Variants in REC114 observed in about 807,000 individuals in gnomAD.
The protein encoded by REC114 is meiotic recombination protein REC114.
Under a neutral mutation model 31.3 loss-of-function variants are expected in REC114, and 27 were observed. That is an observed-to-expected ratio of 0.86 (90% CI 0.64 to 1.19). The LOEUF (loss-of-function observed/expected upper bound fraction) is 1.19, where lower values mean the gene tolerates loss of function less well. Ranked by LOEUF, REC114 falls within the 50% of genes most tolerant of loss-of-function variation. The pLI, the probability that REC114 is intolerant of heterozygous loss-of-function variation, is 0.00. For synonymous variants in REC114, 134 were observed against 127.7 expected, an observed-to-expected ratio of 1.05 and a Z score of -0.33; for missense variants, 344 against 326.9, an observed-to-expected ratio of 1.05 and a Z score of -0.40.
At chr15:73,505,902 A>G (rs569112197) in intron 2 of REC114, among the ~76,000 whole-genome samples, 24 of 152,194 alleles carry the variant, frequency 1.6e-4, no homozygotes, top group African/African-American at 5.5e-4. Context: ...TATTGTAGCT[A>G]TTGTGATGTC....
intron 2 of REC114, among the ~76,000 whole-genome samples, chr15:73,494,515 G>T (rs1893490408): frequency 6.7e-6 from 1 of 150,270 alleles, no homozygotes; most frequent in Non-Finnish European, 1.5e-5. Context: ...AAAAATTGAA[G>T]ATATTTTCTT....
chr15:73,492,311 G>C (rs1214078036), intron 2 of REC114, among the ~76,000 whole-genome samples: 2 of 152,036 alleles, frequency 1.3e-5, no homozygotes, highest in African/African-American at 2.4e-5. Context: ...TATGGGACTT[G>C]TCCATATTAT....
intron 1 of REC114, among the ~76,000 whole-genome samples, chr15:73,447,761 C>T (rs969321392): frequency 3.3e-5 from 5 of 152,066 alleles, no homozygotes; most frequent in East Asian, 1.9e-4. Context: ...ACACAGAAGG[C>T]GGGTGATTTC....
Position 73,519,014 on chromosome 15 carries a change from G to T in REC114, c.250-21471G>T, listed in dbSNP as rs569611025. ...CATCAGTAATCATTAGAGAAATGCA[G>T]ATCAAAACCACAATGAATTATCACC... On this transcript the variant is annotated intron_variant, in intron 2 of 5. Transcript: ENST00000331090. Among the ~76,000 whole-genome samples the T allele has an allele frequency of 2.6e-4, 39 of 152,248 alleles. 1 individual carries two copies. The highest frequency in any genetic ancestry group is 4.9e-4 in the Non-Finnish European group (33 of 68,026).
At chr15:73,500,440 T>G (rs1893589034) in intron 2 of REC114, among the ~76,000 whole-genome samples, 1 of 152,104 alleles carries the variant, frequency 6.6e-6, no homozygotes, top group Non-Finnish European at 1.5e-5. Context: ...TATTTTTACT[T>G]TTTCAAGAAA....
At chr15:73,452,498 T>C (rs373598840) in intron 1 of REC114, among the ~76,000 whole-genome samples, 9 of 152,250 alleles carry the variant, frequency 5.9e-5, no homozygotes, top group Non-Finnish European at 1.3e-4. Flanking sequence ...CAAAAACAAA[T>C]GGGAAAACAT....
At chr15:73,470,413 C>T (rs1893118126) in intron 1 of REC114, among the ~76,000 whole-genome samples, 1 of 152,154 alleles carries the variant, frequency 6.6e-6, no homozygotes, top group African/African-American at 2.4e-5. Context: ...TGAAGGACTT[C>T]CTTTCACATT....
At chr15:73,529,866 G>A (rs1894053518) in intron 2 of REC114, among the ~76,000 whole-genome samples, 1 of 152,144 alleles carries the variant, frequency 6.6e-6, no homozygotes, top group Non-Finnish European at 1.5e-5. Flanking sequence ...TGTAGTGTCA[G>A]TTATAGGACA....
intron 2 of REC114, among the ~76,000 whole-genome samples, chr15:73,538,142 A>T (rs1894184334): frequency 6.6e-6 from 1 of 152,206 alleles, no homozygotes; most frequent in East Asian, 1.9e-4. Flanking sequence ...GAAAGCAGTG[A>T]ACAATATTTT....
chr15:73,540,677 T>G, intron 3 of REC114, 109 bp downstream of exon 3: 1 of 945,650 alleles, frequency 1.1e-6, no homozygotes. Context: ...AGAATACAAA[T>G]GTTTAAGAAA....
intron 2 of REC114, among the ~76,000 whole-genome samples, chr15:73,539,431 C>T (rs1275969585): frequency 6.9e-6 from 1 of 145,598 alleles, no homozygotes; most frequent in Non-Finnish European, 1.5e-5. Context: ...GCTAGGACTA[C>T]AGGCACCTGC....
intron 4 of REC114, among the ~76,000 whole-genome samples, chr15:73,554,934 T>G (rs1455363455): frequency 6.6e-6 from 1 of 152,214 alleles, no homozygotes; most frequent in Non-Finnish European, 1.5e-5. Context: ...GCTGCCTTGT[T>G]TTTACAGAGG....
At chr15:73,477,078 CATG>C (rs1320638464) in intron 2 of REC114, among the ~76,000 whole-genome samples, 2 of 152,156 alleles carry the variant, frequency 1.3e-5, no homozygotes, top group Non-Finnish European at 2.9e-5. Flanking sequence ...AGTATTATCT[CATG>C]GTGGTTTTAA....
intron 2 of REC114, among the ~76,000 whole-genome samples, chr15:73,499,556 C>T (rs1238756515): frequency 6.6e-6 from 1 of 152,138 alleles, no homozygotes; most frequent in African/African-American, 2.4e-5. Context: ...AGGGTTACTA[C>T]TGTAATCTCC....
At chr15:73,556,474 GT>G in intron 5 of REC114, 83 bp downstream of exon 5, 1 of 1,156,898 alleles carries the variant, frequency 8.6e-7, no homozygotes, top group Non-Finnish European at 1.2e-6. Context: ...TCAATTCTTT[GT>G]TTTAGGAGAG....
At chr15:73,496,139 G>A (rs1234054251) in intron 2 of REC114, among the ~76,000 whole-genome samples, 1 of 151,194 alleles carries the variant, frequency 6.6e-6, no homozygotes, top group African/African-American at 2.4e-5. Context: ...AGATCACGAG[G>A]TCAAGAGATT....
intron 5 of REC114, among the ~76,000 whole-genome samples, chr15:73,558,963 A>ATT (rs1378188370): frequency 6.6e-6 from 1 of 152,268 alleles, no homozygotes; most frequent in Non-Finnish European, 1.5e-5. Flanking sequence ...ATACTTATTC[A>ATT]GCAATAAAAA....
At chr15:73,518,715 AAAC>A (rs1281947677) in intron 2 of REC114, among the ~76,000 whole-genome samples, 2 of 152,198 alleles carry the variant, frequency 1.3e-5, no homozygotes, top group African/African-American at 4.8e-5. Context: ...GGGGATACAA[AAAC>A]AACAGACAGC....
At chr15:73,463,856 G>C (rs1595861782) in intron 1 of REC114, among the ~76,000 whole-genome samples, 1 of 152,002 alleles carries the variant, frequency 6.6e-6, no homozygotes, top group East Asian at 1.9e-4. Flanking sequence ...CGGTGTTGGA[G>C]GATGTTTTTG....
Sources: allele counts gnomAD v4.1 joint callset (sites outside exome capture counted in the v4.1 genomes callset), GRCh38; gene constraint gnomAD v4.1.1; transcripts MANE v1.5; gene names NCBI Gene and HGNC (gene_info 2026-07-23, HGNC 2026-07-21).